NAV2: variants seen among roughly 807,000 people sequenced by gnomAD.
The protein encoded by NAV2 is helicase, APC down-regulated 1.
A neutral mutation model predicts 223.2 loss-of-function variants in NAV2; 54 were observed. The ratio of observed to expected loss-of-function variants is 0.24; its 90% CI spans 0.19 to 0.30. The LOEUF (loss-of-function observed/expected upper bound fraction) is 0.30. Ranked by LOEUF, NAV2 falls within the 10% of genes least tolerant of loss-of-function variation. NAV2 has a pLI of 1.00. For missense variants in NAV2, 2,806 were observed against 3,147.5 expected, an observed-to-expected ratio of 0.89 and a Z score of 2.60; for synonymous variants, 1,279 against 1,239.3, an observed-to-expected ratio of 1.03 and a Z score of -0.67.
intron 13 of NAV2, 60 bp downstream of exon 13, chr11:20,044,332 T>A: frequency 1.4e-6 from 2 of 1,450,802 alleles, no homozygotes; most frequent in South Asian, 1.3e-5. Flanking sequence ...AAGCCATAGT[T>A]AACTCTAGCA....
At chr11:19,489,248 C>A (rs570610668) in intron 1 of NAV2, among the ~76,000 whole-genome samples, 1 of 152,298 alleles carries the variant, frequency 6.6e-6, no homozygotes, top group South Asian at 2.1e-4. Flanking sequence ...GCCGCATCTG[C>A]AAATAATTCA....
chr11:19,509,928 C>T (rs1020716951), intron 1 of NAV2, among the ~76,000 whole-genome samples: 2 of 152,068 alleles, frequency 1.3e-5, no homozygotes, highest in African/African-American at 4.8e-5. Flanking sequence ...GGTCTGAGGT[C>T]TTTTCTCATT....
At chr11:19,682,961 C>T (rs2048919640) in intron 1 of NAV2, among the ~76,000 whole-genome samples, 2 of 152,180 alleles carry the variant, frequency 1.3e-5, no homozygotes, top group African/African-American at 4.8e-5. Context: ...GAAGCATTTT[C>T]CAAGGTTGCA....
chr11:19,865,252 C>G (rs1173050041), intron 3 of NAV2, among the ~76,000 whole-genome samples: 1 of 152,178 alleles, frequency 6.6e-6, no homozygotes, highest in African/African-American at 2.4e-5. Context: ...ACGAGGACAT[C>G]ATTGTGCTGT....
At chr11:19,390,683 T>C (rs11025113) in intron 1 of NAV2, among the ~76,000 whole-genome samples, 1 of 151,872 alleles carries the variant, frequency 6.6e-6, no homozygotes, top group Non-Finnish European at 1.5e-5. Context: ...GAAAGTATAG[T>C]AGGGTAAGTG....
chr11:19,677,920 C>T (rs992211394), intron 1 of NAV2, among the ~76,000 whole-genome samples: 1 of 152,210 alleles, frequency 6.6e-6, no homozygotes, highest in African/African-American at 2.4e-5. Context: ...AAAAAGTTTG[C>T]CAACCCCTGG....
chr11:19,717,830 G>A (rs1195698863), intron 1 of NAV2, among the ~76,000 whole-genome samples: 2 of 152,204 alleles, frequency 1.3e-5, no homozygotes, highest in African/African-American at 4.8e-5. Context: ...GTAGTTACAG[G>A]GGAAAGGAGG....
In NAV2 at chr11:19,471,157, C is replaced by T. The variant is rs144085352; in HGVS notation, c.75+120130C>T. On this transcript the variant is annotated intron_variant, in intron 1 of 37. Coordinates refer to the NAV2 transcript ENST00000360655. ...CCCCTAGCACTCCTGGCCACATCCT[C>T]GTGTTACCAGTGGCCTTTTGAATAC... Among the ~76,000 whole-genome samples, 953 of 152,256 alleles carry T rather than the reference C, an allele frequency of 6.3e-3. 13 individuals are homozygous for T. Among genetic ancestry groups the T allele is most frequent in the African/African-American group, 0.021 (891 of 41,536 alleles).
chr11:20,065,601 G>A (rs1424464903), intron 20 of NAV2, among the ~76,000 whole-genome samples: 1 of 152,214 alleles, frequency 6.6e-6, no homozygotes, highest in Non-Finnish European at 1.5e-5. Flanking sequence ...GTTACCAGAT[G>A]TGCAGAACAG....
chr11:19,715,815 G>A (rs1164924512), intron 1 of NAV2, among the ~76,000 whole-genome samples: 1 of 152,130 alleles, frequency 6.6e-6, no homozygotes, highest in Admixed American at 6.5e-5. Flanking sequence ...CGCCCTCAAT[G>A]GGCCCTTGTG....
chr11:19,707,889 C>A (rs892933076), upstream of NAV2, among the ~76,000 whole-genome samples: 1 of 152,126 alleles, frequency 6.6e-6, no homozygotes, highest in Admixed American at 6.6e-5. Context: ...CTTACAGGAC[C>A]GCCATCATTA....
At chr11:20,101,916 A>G (rs2061669207) in intron 32 of NAV2, among the ~76,000 whole-genome samples, 1 of 152,194 alleles carries the variant, frequency 6.6e-6, no homozygotes, top group Non-Finnish European at 1.5e-5. Context: ...GGGCCAGAGA[A>G]TCAAAGGTGG....
intron 1 of NAV2, among the ~76,000 whole-genome samples, chr11:19,636,710 T>A (rs1018602865): frequency 1.2e-4 from 18 of 152,152 alleles, no homozygotes; most frequent in Admixed American, 9.2e-4. Context: ...GACCTTGTGA[T>A]CCACCCGCCT....
In NAV2 at chr11:19,984,613, G is replaced by A. The variant is rs146073896; in HGVS notation, c.2768+366G>A. On this transcript the variant is annotated intron_variant, in intron 11 of 37. Transcript: ENST00000349880. ...AGCTTTCTAGGTATTGCACCTTGTG[G>A]CACAGAAGGTCTGTGTGCAGAAGGG... Among the ~76,000 whole-genome samples, 515 of 152,248 alleles carry A rather than the reference G, an allele frequency of 3.4e-3. 7 individuals carry two copies. The highest frequency in any genetic ancestry group is 0.012 in the African/African-American group (482 of 41,546).
intron 22 of NAV2, among the ~76,000 whole-genome samples, chr11:20,074,922 G>T (rs1336690350): frequency 1.3e-5 from 2 of 151,934 alleles, no homozygotes; most frequent in African/African-American, 4.8e-5. Flanking sequence ...TTTTGATTGG[G>T]GCATTTAGCC....
chr11:19,954,600 A>G (rs2047674200), intron 10 of NAV2, among the ~76,000 whole-genome samples: 2 of 152,134 alleles, frequency 1.3e-5, no homozygotes, highest in African/African-American at 4.8e-5. Flanking sequence ...TGCTATATGG[A>G]TAGTTGTTAT....
chr11:19,538,950 CT>C (rs2044264269), intron 1 of NAV2, among the ~76,000 whole-genome samples: 2 of 151,930 alleles, frequency 1.3e-5, no homozygotes, highest in South Asian at 4.1e-4. Flanking sequence ...TGGACTTTGT[CT>C]TGTTCAATAC....
intron 1 of NAV2, among the ~76,000 whole-genome samples, chr11:19,493,542 C>G (rs184248227): frequency 6.6e-6 from 1 of 152,100 alleles, no homozygotes; most frequent in East Asian, 1.9e-4. Context: ...TAAAAAAGCT[C>G]GGCATCCCTG....
intron 19 of NAV2, among the ~76,000 whole-genome samples, 165 bp downstream of exon 19, chr11:20,056,122 G>A (rs1021949431): frequency 3.2e-4 from 49 of 152,196 alleles, no homozygotes; most frequent in Admixed American, 5.2e-4. Context: ...GGGGATCTCT[G>A]AAGAGTAAGG....
Sources: gnomAD v4.1 joint callset for allele counts (sites outside exome capture counted in the v4.1 genomes callset) on GRCh38, gnomAD v4.1.1 for gene constraint, MANE v1.5 for transcripts, NCBI Gene and HGNC (gene_info 2026-07-23, HGNC 2026-07-21) for gene names.